MYT1L: variants seen among roughly 807,000 people sequenced by gnomAD.
MYT1L encodes the protein myelin transcription factor 1-like protein.
Under a neutral mutation model 126.7 loss-of-function variants are expected in MYT1L, and 12 were observed. That is an observed-to-expected ratio of 0.09 (90% CI 0.06 to 0.15). The LOEUF is 0.15. Among genes scored for constraint, MYT1L ranks in the 10% least tolerant of loss-of-function variants. MYT1L has a pLI of 1.00. For synonymous variants in MYT1L, 541 were observed against 604.2 expected (o/e 0.90, Z 1.53); for missense variants, 979 against 1,585.2 (o/e 0.62, Z 6.49).
At chr2:2,094,282 G>T (rs1038908256) in intron 3 of MYT1L, among the ~76,000 whole-genome samples, 1 of 152,108 alleles carries the variant, frequency 6.6e-6, no homozygotes, top group Non-Finnish European at 1.5e-5. Context: ...GGTGCTGGAG[G>T]GGATGTGGAG....
chr2:1,934,410 G>T (rs556455453), intron 9 of MYT1L, among the ~76,000 whole-genome samples: 1 of 151,654 alleles, frequency 6.6e-6, no homozygotes, highest in South Asian at 2.1e-4. Context: ...GCGCTTTCAT[G>T]TTCTTGTGTG....
chr2:2,274,941 T>G (rs2095329508), intron 2 of MYT1L, among the ~76,000 whole-genome samples: 1 of 151,990 alleles, frequency 6.6e-6, no homozygotes, highest in Non-Finnish European at 1.5e-5. Flanking sequence ...AAACACGTAT[T>G]GATCCCTATG....
chr2:1,892,357 G>T (rs945606476), intron 14 of MYT1L, 70 bp from the exon 15 acceptor site: 2 of 1,501,734 alleles, frequency 1.3e-6, no homozygotes, highest in Admixed American at 4.2e-5. Flanking sequence ...ACACGGCAGG[G>T]CCTGCCCGCC....
chr2:2,184,046 AAAG>A (rs373015536), intron 2 of MYT1L, among the ~76,000 whole-genome samples: 1,515 of 138,724 alleles, frequency 0.011, 23 homozygotes, highest in African/African-American at 0.031. Context: ...AGAAAAAGAA[AAAG>A]AAAGAAAGAA....
rs150866215 is a variant in MYT1L, at chr2:1,972,621, G to T, written c.152+6544C>A. Among the ~76,000 whole-genome samples, 459 of 152,318 alleles carry T rather than the reference G, an allele frequency of 3.0e-3. 2 individuals are homozygous for T. Among genetic ancestry groups the T allele is most frequent in the African/African-American group, 0.011 (444 of 41,570 alleles). ...AAGGCATGAATAATACAGCCCCTAG[G>T]CTGTTGGCAGACTCCAAATGAGGCG... On this transcript the variant is annotated intron_variant, in intron 8 of 24. Transcript: ENST00000647738.
chr2:2,024,623 C>T (rs148975333), intron 4 of MYT1L, among the ~76,000 whole-genome samples: 10 of 152,190 alleles, frequency 6.6e-5, no homozygotes, highest in Admixed American at 2.6e-4. Flanking sequence ...ATATCCAGGC[C>T]GGCTTTGTTG....
At position 2,059,589 on chromosome 2, in the gene MYT1L, G is replaced by A. The variant is rs2070119695; in HGVS notation, c.-303-5466C>T. Among the ~76,000 whole-genome samples, 1 of 152,180 alleles carries A rather than the reference G, an allele frequency of 6.6e-6. No individual in the cohort carries two copies. Among genetic ancestry groups the A allele is most frequent in the Admixed American group, 6.5e-5 (1 of 15,274 alleles). ...AAAGGCCTTGCACCAAAGCACAAAC[G>A]GACGCAGGACTGCAGTTCGGCAGGG... is the stretch of plus-strand genomic sequence containing the variant. On this transcript the variant is annotated intron_variant, in intron 3 of 24. Transcript: ENST00000647738. The surrounding 1 kb of genome is among the most constrained non-coding windows in gnomAD (Gnocchi z 4.7).
intron 3 of MYT1L, among the ~76,000 whole-genome samples, chr2:2,106,378 G>A (rs569937114): frequency 5.9e-5 from 9 of 152,238 alleles, no homozygotes; most frequent in South Asian, 2.1e-4. Context: ...GTAGGAGGCC[G>A]AATCACTTGA....
At chr2:2,242,661 G>T (rs901925393) in intron 2 of MYT1L, among the ~76,000 whole-genome samples, 1 of 152,196 alleles carries the variant, frequency 6.6e-6, no homozygotes, top group Non-Finnish European at 1.5e-5. Context: ...ATGAGACTGT[G>T]TATGCCTCAT....
chr2:2,037,262 G>C (rs563164962), intron 4 of MYT1L, among the ~76,000 whole-genome samples: 9 of 152,270 alleles, frequency 5.9e-5, no homozygotes, highest in African/African-American at 1.4e-4. Context: ...ACCTTTCTAA[G>C]TTCTACGGTA....
At position 2,085,248 on chromosome 2, in the gene MYT1L, T is replaced by C. The variant is rs2076241168; in HGVS notation, c.-303-31125A>G. On this transcript the variant is annotated intron_variant, in intron 3 of 24. Coordinates refer to ENST00000647738, the MANE Select transcript of MYT1L (RefSeq NM_001303052.2). ...TGCACATGTGCTCAGGCAAGCCCCC[T>C]GAACTCAGCTCTGGCTGTGTGACTC... 2.0e-5 allele frequency among the ~76,000 whole-genome samples: 3 copies of C among 152,198 alleles called. No individual in the cohort carries two copies. The South Asian group carries it at 6.2e-4, about 32-fold the overall frequency.
intron 3 of MYT1L, among the ~76,000 whole-genome samples, chr2:2,147,116 G>A (rs1013543351): frequency 6.6e-6 from 1 of 152,190 alleles, no homozygotes; most frequent in African/African-American, 2.4e-5. Flanking sequence ...GGCTTGAAAA[G>A]ACCCAGTGCC....
intron 3 of MYT1L, among the ~76,000 whole-genome samples, chr2:2,088,309 G>A (rs765303352): frequency 2.6e-5 from 4 of 152,204 alleles, no homozygotes; most frequent in Non-Finnish European, 5.9e-5. Flanking sequence ...GGGAAACCAT[G>A]AGCCCTTCTC....
intron 8 of MYT1L, among the ~76,000 whole-genome samples, chr2:1,950,604 T>C (rs2057660622): frequency 6.6e-6 from 1 of 151,470 alleles, no homozygotes; most frequent in African/African-American, 2.4e-5. Flanking sequence ...CCAAGATGGA[T>C]GTGGGACAGG....
At chr2:1,813,538 T>C (rs1032194066) in intron 21 of MYT1L, among the ~76,000 whole-genome samples, 4 of 152,080 alleles carry the variant, frequency 2.6e-5, no homozygotes. Flanking sequence ...AGGTGGGCAG[T>C]GGGCGGGCGA....
At chr2:1,982,402 A>G (rs73910764) in intron 5 of MYT1L, among the ~76,000 whole-genome samples, 2,794 of 152,320 alleles carry the variant, frequency 0.018, 99 homozygotes, top group African/African-American at 0.065. Context: ...ATGAAGGCCT[A>G]TAAGTTGAGA....
At chr2:2,173,605 C>T (rs184353115) in intron 2 of MYT1L, among the ~76,000 whole-genome samples, 2 of 152,192 alleles carry the variant, frequency 1.3e-5, no homozygotes, top group African/African-American at 4.8e-5. Flanking sequence ...GAAGAAATAT[C>T]CATATTATTT....
chr2:2,105,540 T>G (rs2150522042), intron 3 of MYT1L, among the ~76,000 whole-genome samples: 1 of 152,362 alleles, frequency 6.6e-6, no homozygotes, highest in South Asian at 2.1e-4. Context: ...CCATGTTTAA[T>G]ATGTTCTTTT....
chr2:2,187,570 G>T (rs959982092), intron 2 of MYT1L, among the ~76,000 whole-genome samples: 4 of 151,864 alleles, frequency 2.6e-5, no homozygotes, highest in African/African-American at 9.7e-5. Flanking sequence ...CAAACAAGCA[G>T]ATGAGTGGCA....
Sources: allele counts gnomAD v4.1 joint callset (sites outside exome capture counted in the v4.1 genomes callset), GRCh38; gene constraint gnomAD v4.1.1; non-coding constraint Gnocchi (gnomAD v3.1); transcripts MANE v1.5; gene names NCBI Gene and HGNC (gene_info 2026-07-23, HGNC 2026-07-21).